The following MCPH1 variants were observed in gnomAD, a reference collection of about 807,000 sequenced individuals.
MCPH1 encodes the protein microcephalin.
In MCPH1, 104 loss-of-function variants were observed where a neutral mutation model predicts 84.5. That is an observed-to-expected ratio of 1.23 (90% CI 1.05 to 1.45). MCPH1 has a LOEUF of 1.45. MCPH1 is among the 40% of genes most tolerant of loss of function. The pLI, the probability that MCPH1 is intolerant of heterozygous loss-of-function variation, is 0.00. For synonymous variants in MCPH1, 514 were observed against 366.8 expected (o/e 1.40, Z -4.58); for missense variants, 1,498 against 1,005.7 (o/e 1.49, Z -6.62).
rs1804493226 is a variant in MCPH1 at position 6,447,011 on chromosome 8, TGTCCAGGCAGGGC to T, written c.1825+1465_1825+1477del. On this transcript the variant is annotated intron_variant, in intron 8 of 13. Coordinates refer to ENST00000344683, the MANE Select transcript of MCPH1 (RefSeq NM_024596.5). ...AGTGGTGCAGGCCATCAGGCAGGGG[TGTCCAGGCAGGGC>T]CCGGGTGCAAGAAAACATTCTGTGT... The T allele has an allele frequency of 1.6e-4, 9 of 54,878 alleles. No homozygotes were observed. The South Asian group carries it at 2.3e-3, about 14-fold the overall frequency. The allele number at this position is 54,878 out of a possible 1,614,324, so 3.4% of individuals were successfully genotyped here.
Position 6,414,457 on chromosome 8 carries a change from C to T in MCPH1, c.115-308C>T, listed in dbSNP as rs560015502. Among the ~76,000 whole-genome samples the T allele has an allele frequency of 5.3e-5, 8 of 152,302 alleles. No individual in the cohort carries two copies. In the South Asian group the frequency reaches 1.4e-3, roughly 28 times the overall value. ...TCCATTATTATCTGACTCTTTCCAT[C>T]TTTAAAAATGTGGTGCCTTCTCATG... On this transcript the variant is annotated intron_variant, in intron 2 of 13. Coordinates refer to ENST00000344683, the MANE Select transcript of MCPH1 (RefSeq NM_024596.5).
chr8:6,409,403 A>G, intron 2 of MCPH1, 33 bp downstream of exon 2: 6 of 1,495,158 alleles, frequency 4.0e-6, no homozygotes, highest in Non-Finnish European at 5.6e-6. Context: ...GATTCATATG[A>G]CAGTCTTCTG....
intron 9 of MCPH1, among the ~76,000 whole-genome samples, chr8:6,463,281 G>C (rs998157445): frequency 1.3e-5 from 2 of 152,126 alleles, no homozygotes; most frequent in African/African-American, 4.8e-5. Flanking sequence ...TGCTTCCTCA[G>C]TTTTCGAGAG....
At chr8:6,483,728 C>A (rs1809513059) in intron 11 of MCPH1, among the ~76,000 whole-genome samples, 1 of 152,140 alleles carries the variant, frequency 6.6e-6, no homozygotes, top group East Asian at 1.9e-4. Context: ...GGCATGGTGG[C>A]ACCTGCCTGT....
Position 6,499,925 on chromosome 8 carries a change from C to T in MCPH1, c.2210C>T (p.Ala737Val), listed in dbSNP as rs759545352. Reference protein sequence around the residue: ...PFELSHHFPAAPLCRSECHLS... With the variant: ...PFELSHHFPAVPLCRSECHLS... ...GAACTGTCTCACCACTTCCCTGCAG[C>T]TCCCGTAAGTCAGATGTTGTTTTAC... Residue 737 changes from alanine to valine, a missense_variant, in exon 12 of 14, where the codon GCT (alanine) becomes GTT (valine). By Grantham distance (64) the Ala-to-Val change is moderately conservative. Transcript: ENST00000344683. 5 of 1,613,328 alleles carry T rather than the reference C, an allele frequency of 3.1e-6. No individual in the cohort carries two copies. The highest frequency in any genetic ancestry group is 4.2e-6 in the Non-Finnish European group (5 of 1,179,594).
chr8:6,490,354 C>G (rs1810421411), intron 11 of MCPH1, among the ~76,000 whole-genome samples: 1 of 152,152 alleles, frequency 6.6e-6, no homozygotes, highest in African/African-American at 2.4e-5. Flanking sequence ...CTTCAGCTGT[C>G]CATCATTTAG....
intron 12 of MCPH1, among the ~76,000 whole-genome samples, chr8:6,558,680 G>A (rs998390857): frequency 3.3e-5 from 5 of 152,080 alleles, no homozygotes; most frequent in African/African-American, 1.2e-4. Flanking sequence ...TAAGGTTATG[G>A]AAATCCATTT....
intron 8 of MCPH1, among the ~76,000 whole-genome samples, chr8:6,450,182 A>G (rs956362908): frequency 7.2e-5 from 11 of 152,176 alleles, no homozygotes; most frequent in South Asian, 2.1e-4. Flanking sequence ...TTGGAGGTCA[A>G]TGATGGTTAA....
chr8:6,641,334 T>C (rs1049606392), intron 13 of MCPH1, among the ~76,000 whole-genome samples: 7 of 152,102 alleles, frequency 4.6e-5, no homozygotes, highest in Non-Finnish European at 7.4e-5. Context: ...AAACCCTGAG[T>C]ATCGGAAAAG....
chr8:6,445,274 G>T lies in MCPH1; in HGVS notation c.1552G>T (p.Ala518Ser), dbSNP rs748320867. ...RCCRQAGKED[A>S]CPEGNGFSYT... is the part of the protein sequence containing the mutation. ...TTGTAGACAGGCTGGGAAAGAAGAC[G>T]CATGCCCAGAGGGAAATGGCTTTTC... The change falls in exon 8 of 14, where the codon GCA becomes TCA. Residue 518 changes from alanine (A) to serine (S), a missense_variant. By Grantham distance (99) the Ala-to-Ser change is moderately conservative. Transcript: ENST00000344683. The T allele has an allele frequency of 1.1e-5, 17 of 1,614,078 alleles. No homozygotes were observed. Among genetic ancestry groups the T allele is most frequent in the African/African-American group, 5.3e-5 (4 of 74,916 alleles).
At chr8:6,582,594 G>A (rs1827644993) in intron 12 of MCPH1, among the ~76,000 whole-genome samples, 1 of 152,080 alleles carries the variant, frequency 6.6e-6, no homozygotes, top group South Asian at 2.1e-4. Flanking sequence ...GATAAACACT[G>A]TGAACTCACC....
At chr8:6,536,243 T>G (rs1337642666) in intron 12 of MCPH1, among the ~76,000 whole-genome samples, 1 of 152,124 alleles carries the variant, frequency 6.6e-6, no homozygotes, top group Non-Finnish European at 1.5e-5. Context: ...TGGTAGGTAC[T>G]GTTTCTTGGT....
intron 12 of MCPH1, chr8:6,562,940 C>T: frequency 6.3e-7 from 1 of 1,577,932 alleles, no homozygotes; most frequent in Non-Finnish European, 8.7e-7. Context: ...CACATTCTTT[C>T]TTCAGTAATA....
chr8:6,519,833 G>A (rs1226270980), intron 12 of MCPH1: 1 of 1,610,626 alleles, frequency 6.2e-7, no homozygotes, highest in African/African-American at 1.3e-5. Context: ...CCTAGAGCCA[G>A]GGAGTTAGTA....
At chr8:6,613,978 T>C (rs1428827355) in intron 12 of MCPH1, among the ~76,000 whole-genome samples, 2 of 152,168 alleles carry the variant, frequency 1.3e-5, no homozygotes, top group African/African-American at 4.8e-5. Context: ...GCTCCGTTCC[T>C]ATTTCTCTGG....
chr8:6,505,582 T>A lies in MCPH1; in HGVS notation c.2214+5653T>A, dbSNP rs1188252188. 2.5e-5 allele frequency among the ~76,000 whole-genome samples: 3 copies of A among 120,692 alleles called. No homozygotes were observed. In the East Asian group the frequency reaches 6.9e-4, roughly 28 times the overall value. 79.2% of individuals were successfully genotyped at this position (120,692 alleles called of 152,430 possible). A position where few individuals can be genotyped will look rare whatever the true frequency, so the allele number is the denominator to read the frequency against. ...ATATATGTATATATAGAATGTATAT[T>A]CTTTTTGTATATATGGAATATATAT... On this transcript the variant is annotated intron_variant, in intron 12 of 13. Transcript: ENST00000344683.
chr8:6,426,618 A>G (rs1170473126), intron 3 of MCPH1, among the ~76,000 whole-genome samples: 2 of 152,226 alleles, frequency 1.3e-5, no homozygotes, highest in African/African-American at 4.8e-5. Context: ...TTAGGTTATT[A>G]TGAATAAAGT....
chr8:6,528,016 C>A (rs1043804474), intron 12 of MCPH1, among the ~76,000 whole-genome samples: 1 of 151,822 alleles, frequency 6.6e-6, no homozygotes, highest in Non-Finnish European at 1.5e-5. Flanking sequence ...CTGCCTCATT[C>A]TCCCCAGTAG....
At position 6,442,127 on chromosome 8, in the gene MCPH1, T is replaced by G. The variant is rs763114241; in HGVS notation, c.641T>G (p.Leu214Trp). ...NPSNSLCEAPLNISRDTLCSD... is the reference protein window; with the variant it reads ...NPSNSLCEAPWNISRDTLCSD... The stretch of plus-strand genomic sequence containing the variant: ...AGTAACTCTCTGTGTGAAGCACCTT[T>G]GAACATTTCACGTGATACTTTGTGT... The change falls in exon 7 of 14, where the codon TTG becomes TGG. Residue 214 changes from leucine (L) to tryptophan (W), a missense_variant. Physicochemically the swap from Leu to Trp is moderately conservative, Grantham distance 61. Coordinates refer to ENST00000344683, the MANE Select transcript of MCPH1 (RefSeq NM_024596.5). 128 of 1,612,520 alleles carry G rather than the reference T, an allele frequency of 7.9e-5. No homozygotes were observed. The highest frequency in any genetic ancestry group is 1.0e-4 in the Non-Finnish European group (120 of 1,178,688).
Sources: allele counts gnomAD v4.1 joint callset (sites outside exome capture counted in the v4.1 genomes callset), GRCh38; gene constraint gnomAD v4.1.1; transcripts MANE v1.5; gene names NCBI Gene and HGNC (gene_info 2026-07-23, HGNC 2026-07-21).